Variants in DNAH9 observed in about 807,000 individuals in gnomAD.
DNAH9 encodes DNAH9 variant protein.
A neutral mutation model predicts 471.6 loss-of-function variants in DNAH9; 345 were observed. That is an observed-to-expected ratio of 0.73 (90% CI 0.67 to 0.80). The LOEUF is 0.80. Among genes scored for constraint, DNAH9 ranks in the 30% least tolerant of loss-of-function variants. DNAH9 has a pLI of 0.00. For missense variants in DNAH9, 5,407 were observed against 5,609.2 expected, an observed-to-expected ratio of 0.96 and a Z score of 1.15; for synonymous variants, 2,093 against 2,123.6, an observed-to-expected ratio of 0.99 and a Z score of 0.40.
rs558034319 is a variant in DNAH9, at chr17:11,788,469, A to G, written c.8061+3930A>G. On this transcript the variant is annotated intron_variant, in intron 41 of 68. Coordinates refer to ENST00000262442, the MANE Select transcript of DNAH9 (RefSeq NM_001372.4). ...CAGATCAAGAAAGAAAACATTCTCA[A>G]TATATCCCTGATGTTCTCCTTTGCA... is the stretch of plus-strand genomic sequence containing the variant. Among the ~76,000 whole-genome samples, 8 of 152,324 alleles carry G rather than the reference A, an allele frequency of 5.3e-5. No homozygotes were observed. The South Asian group carries it at 1.7e-3, about 32-fold the overall frequency.
At chr17:11,828,766 T>C (rs2150948282) in intron 48 of DNAH9, among the ~76,000 whole-genome samples, 1 of 152,218 alleles carries the variant, frequency 6.6e-6, no homozygotes, top group African/African-American at 2.4e-5. Flanking sequence ...AACAATTTGT[T>C]CCCCACTGCT....
chr17:11,649,702 C>T (rs2073464772), intron 12 of DNAH9, among the ~76,000 whole-genome samples: 1 of 152,074 alleles, frequency 6.6e-6, no homozygotes, highest in African/African-American at 2.4e-5. Context: ...GACTGTTGAA[C>T]TAAAAGAAAA....
Position 11,727,894 on chromosome 17 carries a change from T to A in DNAH9, c.5786T>A (p.Val1929Glu), listed in dbSNP as rs145252705. 6.2e-6 allele frequency: 10 copies of A among 1,613,920 alleles called. No individual in the cohort carries two copies. In the African/African-American group the frequency reaches 1.3e-4, roughly 22 times the overall value. The part of the protein sequence containing the change: ...GCFDEFNRIS[V>E]EVLSVVAVQV... ...TTTGATGAGTTTAATCGAATCTCCGTGGAGGTCTTGTCAGTGGTGGCAGTG... is the reference window on the plus strand; with the variant it reads ...TTTGATGAGTTTAATCGAATCTCCGAGGAGGTCTTGTCAGTGGTGGCAGTG... The change falls in exon 28 of 69, where the codon GTG becomes GAG. Residue 1929 changes from valine to glutamate, a missense_variant. Val to Glu is a moderately radical substitution (Grantham distance 121, BLOSUM62 -2). Transcript: ENST00000262442.
intron 61 of DNAH9, among the ~76,000 whole-genome samples, chr17:11,921,687 G>T (rs1305533685): frequency 6.6e-6 from 1 of 152,144 alleles, no homozygotes; most frequent in Non-Finnish European, 1.5e-5. Flanking sequence ...ATGGGATGCG[G>T]CCACCTTTGG....
intron 43 of DNAH9, among the ~76,000 whole-genome samples, chr17:11,801,536 A>C (rs1353011787): frequency 2.0e-5 from 3 of 152,116 alleles, no homozygotes; most frequent in African/African-American, 7.2e-5. Context: ...CTAAAAATAC[A>C]AATTAGCTGG....
In DNAH9 at chr17:11,680,793, AG is replaced by A. The variant is rs760021386; in HGVS notation, c.3649del (p.Ala1217GlnfsTer4). ...ITVKQQVAPL[Q>X]ANEVTLLRQR... ...GTGAAGCAGCAGGTGGCCCCACTGC[AG>A]GCAAATGAAGTGACACTCCTCCGCC... On this transcript the variant is annotated frameshift_variant, in exon 19 of 69. Coordinates refer to ENST00000262442, the MANE Select transcript of DNAH9 (RefSeq NM_001372.4). LOFTEE classifies it high-confidence loss of function. 3.7e-6 allele frequency: 6 copies of A among 1,613,976 alleles called. No individual in the cohort carries two copies. In the East Asian group the frequency reaches 1.3e-4, roughly 36 times the overall value.
intron 6 of DNAH9, among the ~76,000 whole-genome samples, chr17:11,627,345 G>A (rs1275659222): frequency 6.6e-6 from 1 of 152,158 alleles, no homozygotes; most frequent in Non-Finnish European, 1.5e-5. Flanking sequence ...AAATAAAATA[G>A]TCTAACAAAA....
chr17:11,741,232 A>G (rs1020643532), intron 29 of DNAH9, among the ~76,000 whole-genome samples: 2 of 152,220 alleles, frequency 1.3e-5, no homozygotes, highest in South Asian at 2.1e-4. Context: ...GTAACAACCT[A>G]TTACATACCC....
chr17:11,798,173 C>A (rs1969318046), intron 43 of DNAH9, among the ~76,000 whole-genome samples: 1 of 152,046 alleles, frequency 6.6e-6, no homozygotes, highest in African/African-American at 2.4e-5. Context: ...ATGACTCATG[C>A]CTGTAATCCC....
chr17:11,944,270 A>G (rs1975040870), intron 67 of DNAH9, among the ~76,000 whole-genome samples: 1 of 152,224 alleles, frequency 6.6e-6, no homozygotes, highest in African/African-American at 2.4e-5. Flanking sequence ...GTGGGGAAAC[A>G]GACACACACA....
intron 15 of DNAH9, among the ~76,000 whole-genome samples, chr17:11,668,735 T>A (rs900615845): frequency 1.3e-5 from 2 of 150,922 alleles, no homozygotes; most frequent in South Asian, 4.2e-4. Context: ...CAGGAGGCAT[T>A]TGAGAATGTG....
At position 11,690,591 on chromosome 17, in the gene DNAH9, A is replaced by G. The variant is rs551266655; in HGVS notation, c.4614+155A>G. On this transcript the variant is annotated intron_variant, in intron 20 of 68. Transcript: ENST00000262442. ...CCCACAGATGCTCACCTTACCTGCC[A>G]CCAAAAGTTAGGCAGAGGAAAAGAG... Among the ~76,000 whole-genome samples the G allele has an allele frequency of 2.6e-5, 4 of 152,176 alleles. No homozygotes were observed. In the East Asian group the frequency reaches 7.7e-4, roughly 29 times the overall value.
chr17:11,655,343 C>A (rs1597441100), intron 14 of DNAH9, among the ~76,000 whole-genome samples: 1 of 99,024 alleles, frequency 1.0e-5, no homozygotes, highest in Non-Finnish European at 2.0e-5. Flanking sequence ...GGCTGAGTAG[C>A]ATTCCATGGT....
rs200781464 is a variant in DNAH9, at chr17:11,783,650, G to C, written c.7723G>C (p.Asp2575His). 1 of 1,613,840 alleles carries C rather than the reference G, an allele frequency of 6.2e-7. No homozygotes were observed. Among genetic ancestry groups the C allele is most frequent in the Non-Finnish European group, 8.5e-7 (1 of 1,179,858 alleles). The change falls in exon 40 of 69, where the codon GAT becomes CAT. Residue 2575 changes from aspartate (D) to histidine (H), a missense_variant. Coordinates refer to ENST00000262442, the MANE Select transcript of DNAH9 (RefSeq NM_001372.4). Reference protein sequence around the residue: ...RQHLDYGHWYDRSKLSLKEIT... With the variant: ...RQHLDYGHWYHRSKLSLKEIT... ...TAGAGCTTCTGACTGTTCCAGGTAT[G>C]ATCGGAGCAAGCTGTCCCTAAAGGA...
chr17:11,857,469 T>C (rs546284879), intron 50 of DNAH9, among the ~76,000 whole-genome samples: 1 of 152,310 alleles, frequency 6.6e-6, no homozygotes, highest in South Asian at 2.1e-4. Flanking sequence ...AGAGGATTCC[T>C]ATATGCTGCA....
chr17:11,759,809 G>T (rs1045600415), intron 35 of DNAH9, among the ~76,000 whole-genome samples: 1 of 151,222 alleles, frequency 6.6e-6, no homozygotes, highest in African/African-American at 2.4e-5. Context: ...GCCTCAGCCT[G>T]CCAAGTAGCT....
chr17:11,969,119 C>A (rs1467603924), intron 68 of DNAH9, among the ~76,000 whole-genome samples, 181 bp from the exon 69 acceptor site: 5 of 152,104 alleles, frequency 3.3e-5, no homozygotes, highest in Non-Finnish European at 7.4e-5. Context: ...AAAATAGAAA[C>A]GTGTTTCTAC....
intron 50 of DNAH9, among the ~76,000 whole-genome samples, chr17:11,860,780 C>T (rs1032136524): frequency 9.9e-5 from 15 of 152,070 alleles, no homozygotes; most frequent in Non-Finnish European, 1.9e-4. Context: ...AGGCTGGTCT[C>T]GAACTCCCGA....
chr17:11,605,065 G>A (rs529832345), intron 1 of DNAH9, among the ~76,000 whole-genome samples: 30 of 152,212 alleles, frequency 2.0e-4, no homozygotes, highest in African/African-American at 4.1e-4. Flanking sequence ...CTCTGTCCCC[G>A]CTTTCCTTGC....
Sources: allele counts gnomAD v4.1 joint callset (sites outside exome capture counted in the v4.1 genomes callset), GRCh38; gene constraint gnomAD v4.1.1; transcripts MANE v1.5; gene names NCBI Gene and HGNC (gene_info 2026-07-23, HGNC 2026-07-21).